Variants in CELF4 observed in about 807,000 individuals in gnomAD.
CELF4 encodes the protein CUG-BP- and ETR-3-like factor 4.
A neutral mutation model predicts 59.9 loss-of-function variants in CELF4; 18 were observed. That is an observed-to-expected ratio of 0.30 (90% confidence interval 0.21 to 0.45). The LOEUF (loss-of-function observed/expected upper bound fraction) is 0.45, where lower values mean the gene tolerates loss of function less well. Among genes scored for constraint, CELF4 ranks in the 20% least tolerant of loss-of-function variants. The pLI, the probability that CELF4 is intolerant of heterozygous loss-of-function variation, is 1.00. For synonymous variants in CELF4, 261 were observed against 267.1 expected (o/e 0.98, Z 0.22); for missense variants, 456 against 689.0 (o/e 0.66, Z 3.79).
At chr18:37,333,652 A>AC (rs1253735082) in intron 2 of CELF4, among the ~76,000 whole-genome samples, 1 of 151,190 alleles carries the variant, frequency 6.6e-6, no homozygotes, top group African/African-American at 2.4e-5. Context: ...CCTCTCCTCC[A>AC]CCCTGCCCCA....
At chr18:37,319,146 G>A (rs1253311161) in intron 3 of CELF4, among the ~76,000 whole-genome samples, 1 of 152,216 alleles carries the variant, frequency 6.6e-6, no homozygotes, top group Non-Finnish European at 1.5e-5. Context: ...TGAACTGGGG[G>A]CTGCAGGTGA....
intron 2 of CELF4, among the ~76,000 whole-genome samples, chr18:37,471,339 G>A (rs2099828375): frequency 6.6e-6 from 1 of 152,114 alleles, no homozygotes; most frequent in Admixed American, 6.5e-5. Context: ...TGTGGAGGTG[G>A]ACACTCTCCT....
intron 2 of CELF4, among the ~76,000 whole-genome samples, chr18:37,405,755 G>A (rs749492161): frequency 2.0e-5 from 3 of 152,174 alleles, no homozygotes; most frequent in Non-Finnish European, 4.4e-5. Context: ...AGGGCGGTGG[G>A]CTTTGGCTGT....
At chr18:37,312,110 CAAAAAAAA>C (rs59872500) in intron 3 of CELF4, among the ~76,000 whole-genome samples, 1 of 50,792 alleles carries the variant, frequency 2.0e-5, no homozygotes. Flanking sequence ...GATTCCGTCT[CAAAAAAAA>C]AAAAAAAAAA....
chr18:37,355,679 C>T (rs1313775504), intron 2 of CELF4, among the ~76,000 whole-genome samples: 1 of 151,016 alleles, frequency 6.6e-6, no homozygotes, highest in Non-Finnish European at 1.5e-5. Context: ...TCCCCACCCA[C>T]CCCACCTCTC....
intron 2 of CELF4, among the ~76,000 whole-genome samples, chr18:37,478,325 CT>C (rs796433267): frequency 5.6e-4 from 85 of 152,302 alleles, no homozygotes; most frequent in African/African-American, 2.0e-3. Context: ...CAGGTTCCCT[CT>C]GCTTATTATC....
chr18:37,273,259 T>C, intron 6 of CELF4, 96 bp from the exon 7 acceptor site: 1 of 1,495,796 alleles, frequency 6.7e-7, no homozygotes. Context: ...TCCCAGGCTC[T>C]GAGCCCCAGA....
At chr18:37,518,102 G>T (rs966140793) in intron 1 of CELF4, among the ~76,000 whole-genome samples, 7 of 152,122 alleles carry the variant, frequency 4.6e-5, no homozygotes, top group Admixed American at 4.6e-4. Flanking sequence ...TCTTTCCTCT[G>T]TCCAGGCCAC....
In CELF4 at chr18:37,312,712, C is replaced by T. The variant is rs2096719638; in HGVS notation, c.448+9091G>A. On this transcript the variant is annotated intron_variant, in intron 3 of 12. Coordinates refer to ENST00000420428, the MANE Select transcript of CELF4 (RefSeq NM_020180.4). Reference sequence around the variant, plus strand: ...AAATGGAAGCTGGGTGAGAGACAGACTCATAGGGTAGGGGTAGGGTAGACA... The same window carrying T: ...AAATGGAAGCTGGGTGAGAGACAGATTCATAGGGTAGGGGTAGGGTAGACA... Among the ~76,000 whole-genome samples, 6 of 152,134 alleles carry T rather than the reference C, an allele frequency of 3.9e-5. 2 individuals are homozygous for T. Among genetic ancestry groups the T allele is most frequent in the Admixed American group, 3.9e-4 (6 of 15,274 alleles).
intron 1 of CELF4, among the ~76,000 whole-genome samples, chr18:37,525,129 C>T (rs1299070510): frequency 2.0e-5 from 3 of 152,134 alleles, no homozygotes; most frequent in Non-Finnish European, 4.4e-5. Flanking sequence ...CTTAAGCTGG[C>T]CACAGGGTGG....
chr18:37,263,622 C>T (rs2154318958), intron 10 of CELF4, among the ~76,000 whole-genome samples: 1 of 152,138 alleles, frequency 6.6e-6, no homozygotes, highest in East Asian at 1.9e-4. Context: ...CTCCTGTCTT[C>T]CTGCTTATGT....
intron 3 of CELF4, among the ~76,000 whole-genome samples, chr18:37,292,129 G>C (rs77152813): frequency 1.3e-5 from 2 of 152,038 alleles, no homozygotes; most frequent in Non-Finnish European, 1.5e-5. Flanking sequence ...GAATCTGCTG[G>C]CATCTTAATC....
chr18:37,488,754 C>T (rs1052147718), intron 1 of CELF4, among the ~76,000 whole-genome samples: 4 of 152,224 alleles, frequency 2.6e-5, no homozygotes, highest in African/African-American at 9.6e-5. Context: ...CCTTTCCTCC[C>T]CTTCCAATGT....
chr18:37,375,844 G>A (rs796422966), intron 2 of CELF4, among the ~76,000 whole-genome samples: 38 of 152,000 alleles, frequency 2.5e-4, no homozygotes, highest in African/African-American at 8.0e-4. Context: ...TGCCCTCTCC[G>A]TCCTCCCCGG....
chr18:37,251,522 T>C (rs1245822016), intron 12 of CELF4, among the ~76,000 whole-genome samples: 2 of 152,176 alleles, frequency 1.3e-5, no homozygotes, highest in Admixed American at 6.5e-5. Flanking sequence ...TCTCGGGACA[T>C]GACCCTGCCT....
chr18:37,393,915 G>GAAA (rs67571579), intron 2 of CELF4, among the ~76,000 whole-genome samples: 1 of 141,868 alleles, frequency 7.0e-6, no homozygotes, highest in African/African-American at 2.6e-5. Flanking sequence ...AAGGCTAAGG[G>GAAA]AAAAAAAAAA....
intron 2 of CELF4, among the ~76,000 whole-genome samples, chr18:37,358,469 C>A (rs1488752777): frequency 1.3e-5 from 2 of 152,190 alleles, no homozygotes; most frequent in Admixed American, 1.3e-4. Flanking sequence ...TCTTTATCAG[C>A]AGCGTGAAAA....
intron 2 of CELF4, among the ~76,000 whole-genome samples, chr18:37,402,175 C>T (rs567919452): frequency 7.9e-5 from 12 of 152,268 alleles, no homozygotes; most frequent in African/African-American, 2.6e-4. Flanking sequence ...CATGCTGAGG[C>T]GGTGAATACA....
At chr18:37,452,828 G>A (rs1353215718) in intron 2 of CELF4, among the ~76,000 whole-genome samples, 2 of 152,088 alleles carry the variant, frequency 1.3e-5, no homozygotes, top group East Asian at 1.9e-4. Context: ...CTTCGCCTCT[G>A]CATAGCCACA....
Sources: gnomAD v4.1 joint callset for allele counts (sites outside exome capture counted in the v4.1 genomes callset) on GRCh38, gnomAD v4.1.1 for gene constraint, MANE v1.5 for transcripts, NCBI Gene and HGNC (gene_info 2026-07-23, HGNC 2026-07-21) for gene names.